COG7: variants seen among roughly 807,000 people sequenced by gnomAD.
COG7 encodes the protein component of oligomeric golgi complex 7, also known as conserved oligomeric Golgi complex subunit 7.
A neutral mutation model predicts 91.5 loss-of-function variants in COG7; 49 were observed. The ratio of observed to expected loss-of-function variants is 0.54; its 90% CI spans 0.43 to 0.68. The LOEUF (loss-of-function observed/expected upper bound fraction) is 0.68. Among genes scored for constraint, COG7 ranks in the 30% least tolerant of loss-of-function variants. The probability of loss-of-function intolerance (pLI) is 0.00; values close to 1 mark genes in which losing one functional copy is unlikely to be tolerated. For missense variants in COG7, 895 were observed against 961.3 expected (o/e 0.93, Z 0.91); for synonymous variants, 365 against 388.7 (o/e 0.94, Z 0.72).
intron 1 of COG7, chr16:23,452,622 C>G: frequency 1.6e-6 from 2 of 1,238,238 alleles, no homozygotes; most frequent in South Asian, 1.7e-5. Flanking sequence ...AAAACAACAC[C>G]CAAAATTAGC....
intron 6 of COG7, among the ~76,000 whole-genome samples, chr16:23,432,244 T>C (rs1963946288): frequency 6.6e-6 from 1 of 152,196 alleles, no homozygotes; most frequent in African/African-American, 2.4e-5. Context: ...ACAACTTGAA[T>C]GACATGACCC....
chr16:23,433,521 C>T (rs754237278), intron 6 of COG7, 24 bp downstream of exon 6: 2 of 1,613,844 alleles, frequency 1.2e-6, no homozygotes, highest in East Asian at 2.2e-5. Context: ...CTCTGTTCTC[C>T]CTAGAACAAA....
intron 4 of COG7, among the ~76,000 whole-genome samples, 185 bp downstream of exon 4, chr16:23,442,291 GC>G (rs1438512519): frequency 6.9e-6 from 1 of 144,096 alleles, no homozygotes; most frequent in African/African-American, 2.6e-5. Flanking sequence ...CCAAGATTGC[GC>G]CACTACACTC....
chr16:23,411,548 G>A (rs895687603), intron 10 of COG7, among the ~76,000 whole-genome samples: 8 of 152,058 alleles, frequency 5.3e-5, no homozygotes, highest in African/African-American at 1.4e-4. Flanking sequence ...TGTGTAGGAC[G>A]TGCAGGTTTG....
chr16:23,406,309 A>T (rs1365013988), intron 11 of COG7, 47 bp from the exon 12 acceptor site: 1 of 1,524,018 alleles, frequency 6.6e-7, no homozygotes, highest in Non-Finnish European at 9.1e-7. Context: ...TTTGCATGGA[A>T]CTTTCTTCTT....
chr16:23,434,241 T>TA (rs1201265845), intron 5 of COG7, among the ~76,000 whole-genome samples: 1 of 152,086 alleles, frequency 6.6e-6, no homozygotes, highest in Admixed American at 6.6e-5. Flanking sequence ...GATCTGTGAA[T>TA]AGTCACCGCA....
chr16:23,424,934 G>A lies in COG7; in HGVS notation c.824C>T (p.Pro275Leu), dbSNP rs1963821563. 5.0e-6 allele frequency: 8 copies of A among 1,607,264 alleles called. No homozygotes were observed. Among genetic ancestry groups the A allele is most frequent in the Non-Finnish European group, 6.8e-6 (8 of 1,176,284 alleles). ...IQWATQVFQK[P>L]HEVVMVLLIQ... The stretch of plus-strand genomic sequence containing the variant: ...CAGCAGCACCATTACCACCTCGTGG[G>A]GCTTCTGGAAAACCTGCAGTGAGAG... The change falls in exon 7 of 17, where the codon CCC (proline) becomes CTC (leucine). Residue 275 changes from proline to leucine, a missense_variant. Coordinates refer to ENST00000307149, the MANE Select transcript of COG7 (RefSeq NM_153603.4).
intron 13 of COG7, among the ~76,000 whole-genome samples, chr16:23,403,347 A>G (rs1042708085): frequency 2.0e-5 from 3 of 152,224 alleles, no homozygotes; most frequent in Non-Finnish European, 4.4e-5. Context: ...TGTGGTGTGA[A>G]AATAATTCAA....
At chr16:23,443,428 C>T (rs1343936149) in intron 3 of COG7, among the ~76,000 whole-genome samples, 2 of 152,180 alleles carry the variant, frequency 1.3e-5, no homozygotes, top group African/African-American at 2.4e-5. Flanking sequence ...GGGTGGCTCA[C>T]GCCCCTGTAA....
At chr16:23,418,227 C>T (rs539407026) in intron 8 of COG7, among the ~76,000 whole-genome samples, 7 of 152,274 alleles carry the variant, frequency 4.6e-5, no homozygotes, top group Non-Finnish European at 8.8e-5. Context: ...AACTAGGGCC[C>T]GGCAGGGTGG....
rs1187281640 is a variant in COG7 at position 23,406,270 on chromosome 16, G to C, written c.1476-8C>G. The C allele has an allele frequency of 6.2e-7, 1 of 1,612,446 alleles. No homozygotes were observed. Among genetic ancestry groups the C allele is most frequent in the Admixed American group, 1.7e-5 (1 of 60,006 alleles). On this transcript the variant is annotated splice_polypyrimidine_tract_variant and splice_region_variant and intron_variant, in intron 11 of 16. Transcript: ENST00000307149. ...CCAGCTGTGGACAAAATCCTGTAAT[G>C]AAAGGAATGACCATTATGCCCTGAG...
chr16:23,422,848 G>C (rs1417143260), intron 7 of COG7, among the ~76,000 whole-genome samples: 1 of 151,924 alleles, frequency 6.6e-6, no homozygotes, highest in African/African-American at 2.4e-5. Flanking sequence ...TTTGAGACCA[G>C]CCTGGCCAAC....
Position 23,418,878 on chromosome 16 carries a change from A to C in COG7, c.1010-51T>G, listed in dbSNP as rs371201483. The C allele has an allele frequency of 2.7e-5, 42 of 1,569,182 alleles. No homozygotes were observed. The African/African-American group carries it at 5.4e-4, about 20-fold the overall frequency. ...GATAATGAACAAAGAATCTGAAATT[A>C]ACTGTGGGAAAGCAACAATCAAGAG... is the stretch of plus-strand genomic sequence containing the variant. On this transcript the variant is annotated intron_variant, in intron 7 of 16. Coordinates refer to ENST00000307149, the MANE Select transcript of COG7 (RefSeq NM_153603.4).
At chr16:23,431,096 C>G (rs972591594) in intron 6 of COG7, among the ~76,000 whole-genome samples, 3 of 152,032 alleles carry the variant, frequency 2.0e-5, no homozygotes, top group African/African-American at 7.2e-5. Context: ...GATAGACAGG[C>G]AGATCTGCAA....
At position 23,433,700 on chromosome 16, in the gene COG7, G is replaced by A. The variant is rs115965055; in HGVS notation, c.688-33C>T. ...GACAGAACAAAGGGAACCTTATTGG[G>A]TACGTCAACATAGGTTGCCTGTGAA... On this transcript the variant is annotated intron_variant, in intron 5 of 16. Transcript: ENST00000307149. The A allele has an allele frequency of 4.2e-4, 681 of 1,612,922 alleles. 2 individuals are homozygous for A. In the African/African-American group the frequency reaches 8.4e-3, roughly 20 times the overall value.
In COG7 at chr16:23,389,068, A is replaced by C; in HGVS notation, c.2165T>G (p.Met722Arg). The change falls in exon 17 of 17, where the codon ATG becomes AGG. Residue 722 changes from methionine (M) to arginine (R), a missense_variant. By Grantham distance (91) the Met-to-Arg change is moderately conservative. Transcript: ENST00000307149. ...ATDIDYLINV[M>R]DALGLQPSRT... Reference sequence around the variant, plus strand: ...GGACGGCTGCAGGCCCAGGGCATCCATCACGTTGATCAGATAGTCTGTGGG... The same window carrying C: ...GGACGGCTGCAGGCCCAGGGCATCCCTCACGTTGATCAGATAGTCTGTGGG... 9 of 1,614,002 alleles carry C rather than the reference A, an allele frequency of 5.6e-6. No individual in the cohort carries two copies. Among genetic ancestry groups the C allele is most frequent in the Non-Finnish European group, 7.6e-6 (9 of 1,179,998 alleles).
chr16:23,435,992 T>C (rs950104068), intron 4 of COG7, among the ~76,000 whole-genome samples: 7 of 152,064 alleles, frequency 4.6e-5, no homozygotes, highest in African/African-American at 1.7e-4. Flanking sequence ...ATCCCAGCAT[T>C]TTGGGAGGCT....
At chr16:23,449,319 C>T (rs1596961230) in intron 1 of COG7, among the ~76,000 whole-genome samples, 1 of 150,566 alleles carries the variant, frequency 6.6e-6, no homozygotes, top group Non-Finnish European at 1.5e-5. Context: ...GTCGAGATCA[C>T]GCCACTGCCC....
At position 23,392,515 on chromosome 16, in the gene COG7, A is replaced by G; in HGVS notation, c.2011T>C (p.Leu671=). 2 of 1,614,202 alleles carry G rather than the reference A, an allele frequency of 1.2e-6. No individual in the cohort carries two copies. Among genetic ancestry groups the G allele is most frequent in the Non-Finnish European group, 1.7e-6 (2 of 1,180,034 alleles). The change falls in exon 16 of 17, where the codon TTG becomes CTG. Residue 671 remains leucine (L), a synonymous_variant. Transcript: ENST00000307149. ...LPFPPEQGDE[L]PELDNMADNW... is the part of the protein sequence containing the mutation. Reference sequence around the variant, plus strand: ...TCAGCCATGTTGTCCAGCTCGGGCAATTCATCCCCTGAAAAGAAAAGGAGG... The same window carrying G: ...TCAGCCATGTTGTCCAGCTCGGGCAGTTCATCCCCTGAAAAGAAAAGGAGG...
Sources: gnomAD v4.1 joint callset for allele counts (sites outside exome capture counted in the v4.1 genomes callset) on GRCh38, gnomAD v4.1.1 for gene constraint, MANE v1.5 for transcripts, NCBI Gene and HGNC (gene_info 2026-07-23, HGNC 2026-07-21) for gene names.